ZFP14: variants seen among roughly 807,000 people sequenced by gnomAD.
The protein encoded by ZFP14 is ZFP14 zinc finger protein, also known as zinc finger protein 14 homolog.
A neutral mutation model predicts 54.5 loss-of-function variants in ZFP14; 22 were observed. That is an observed-to-expected ratio of 0.40 (90% CI 0.29 to 0.58). The LOEUF is 0.58. Among genes scored for constraint, ZFP14 ranks in the 20% least tolerant of loss-of-function variants. ZFP14 has a pLI of 0.39. For synonymous variants in ZFP14, 159 were observed against 204.0 expected (o/e 0.78, Z 1.88); for missense variants, 470 against 637.8 (o/e 0.74, Z 2.83).
At chr19:36,349,537 G>A (rs2031486499) in intron 4 of ZFP14, among the ~76,000 whole-genome samples, 1 of 150,568 alleles carries the variant, frequency 6.6e-6, no homozygotes, top group Admixed American at 6.6e-5. Context: ...GTGGTGGTGT[G>A]CACCTATAAT....
intron 1 of ZFP14, among the ~76,000 whole-genome samples, chr19:36,373,160 C>T (rs1388878763): frequency 6.6e-6 from 1 of 151,780 alleles, no homozygotes; most frequent in Non-Finnish European, 1.5e-5. Context: ...GCCTGTAATC[C>T]CAGTTACTCA....
intron 4 of ZFP14, among the ~76,000 whole-genome samples, chr19:36,355,841 G>A (rs1468307477): frequency 7.0e-6 from 1 of 142,160 alleles, no homozygotes; most frequent in Non-Finnish European, 1.6e-5. Context: ...AGAATTGTGA[G>A]AAAATACATA....
Position 36,376,507 on chromosome 19 carries a change from C to T in ZFP14, c.-80+2656G>A, listed in dbSNP as rs993106403. On this transcript the variant is annotated intron_variant, in intron 1 of 4. Coordinates refer to ENST00000270001, the MANE Select transcript of ZFP14 (RefSeq NM_020917.3). The stretch of plus-strand genomic sequence containing the variant: ...CTGCAGTGAGCCAAGATCGTGCCAC[C>T]GCACTCCAGCCTGGGTGACAGAGCA... Among the ~76,000 whole-genome samples the T allele has an allele frequency of 6.6e-5, 10 of 151,432 alleles. 1 individual carries two copies. The South Asian group carries it at 1.0e-3, about 16-fold the overall frequency.
At chr19:36,377,477 G>T (rs2031980864) in intron 1 of ZFP14, among the ~76,000 whole-genome samples, 1 of 151,480 alleles carries the variant, frequency 6.6e-6, no homozygotes, top group Admixed American at 6.6e-5. Flanking sequence ...AGCCAGGGAG[G>T]TCCAGGCTGC....
chr19:36,378,369 T>C (rs2031995986), intron 1 of ZFP14: 1 of 152,246 alleles, frequency 6.6e-6, no homozygotes, highest in Admixed American at 6.5e-5. Context: ...TTACAACTAC[T>C]GCACCACCTG....
At chr19:36,367,545 A>G (rs1168630523) in intron 2 of ZFP14, among the ~76,000 whole-genome samples, 1 of 152,088 alleles carries the variant, frequency 6.6e-6, no homozygotes, top group African/African-American at 2.4e-5. Context: ...CAGTAACGCA[A>G]TCTCGGCTCA....
intron 4 of ZFP14, among the ~76,000 whole-genome samples, chr19:36,358,092 C>CT (rs757927325): frequency 0.078 from 9,835 of 126,896 alleles, 365 homozygotes; most frequent in African/African-American, 0.12. Context: ...ATCTATCTAT[C>CT]ATCTATCTAT....
At chr19:36,353,439 G>C (rs1402329621) in intron 4 of ZFP14, among the ~76,000 whole-genome samples, 1 of 141,864 alleles carries the variant, frequency 7.0e-6, no homozygotes, top group Non-Finnish European at 1.6e-5. Flanking sequence ...GGTGGCTCAC[G>C]CCTGTAATTC....
intron 4 of ZFP14, among the ~76,000 whole-genome samples, chr19:36,345,457 C>T (rs1036559544): frequency 2.0e-5 from 3 of 152,088 alleles, no homozygotes; most frequent in African/African-American, 7.2e-5. Flanking sequence ...CATCTGGGGT[C>T]ACCTGAATGC....
chr19:36,346,783 G>C (rs1256498830), intron 4 of ZFP14, among the ~76,000 whole-genome samples: 1 of 152,094 alleles, frequency 6.6e-6, no homozygotes, highest in Non-Finnish European at 1.5e-5. Context: ...ACATCTTGTT[G>C]GCAGAAGCAC....
At chr19:36,363,171 A>G (rs1334758170) in intron 2 of ZFP14, among the ~76,000 whole-genome samples, 1 of 146,612 alleles carries the variant, frequency 6.8e-6, no homozygotes, top group Non-Finnish European at 1.5e-5. Flanking sequence ...ACCATTATCA[A>G]TCATATTCTT....
chr19:36,373,225 C>G (rs1190304031), intron 1 of ZFP14, among the ~76,000 whole-genome samples: 2 of 150,736 alleles, frequency 1.3e-5, no homozygotes, highest in Admixed American at 6.6e-5. Flanking sequence ...TGTGGTGAGC[C>G]GAGATGGCGT....
intron 4 of ZFP14, among the ~76,000 whole-genome samples, chr19:36,357,451 T>C (rs1408879085): frequency 6.6e-6 from 1 of 152,240 alleles, no homozygotes; most frequent in Non-Finnish European, 1.5e-5. Flanking sequence ...AAAAACTTTA[T>C]GATTGTAGCT....
At chr19:36,378,256 T>A (rs1022277328) in intron 1 of ZFP14, 2 of 152,150 alleles carry the variant, frequency 1.3e-5, no homozygotes, top group Admixed American at 1.3e-4. Flanking sequence ...ATGAGTGTAA[T>A]CAAGAGGGTA....
rs1394390711 is a variant in ZFP14, at chr19:36,360,418, G to A, written c.235+17C>T. 5.6e-6 allele frequency: 9 copies of A among 1,606,958 alleles called. No individual in the cohort carries two copies. Among genetic ancestry groups the A allele is most frequent in the African/African-American group, 1.3e-5 (1 of 74,790 alleles). On this transcript the variant is annotated intron_variant, in intron 4 of 4. Transcript: ENST00000270001. ...CTGCAGTAGTGATTTCTCAATGCCTGCTCAGCCCTCACTCACCAGGGCAGT... is the reference window on the plus strand; with the variant it reads ...CTGCAGTAGTGATTTCTCAATGCCTACTCAGCCCTCACTCACCAGGGCAGT...
rs1280258255 is a variant in ZFP14 at position 36,336,851 on chromosome 19, CACAT to C, written c.*3369_*3372del. 4.5e-4 allele frequency: 69 copies of C among 152,264 alleles called. No individual in the cohort carries two copies. Among genetic ancestry groups the C allele is most frequent in the African/African-American group, 1.6e-3 (67 of 41,552 alleles). The allele number at this position is 152,264 out of a possible 1,614,324, so 9.4% of individuals were successfully genotyped here. Reference sequence around the variant, plus strand: ...AACATTTTATTATTGAAATTTCAAACACATACAAAAGTAGAAATATTAGAACAAT... The same window carrying C: ...AACATTTTATTATTGAAATTTCAAACACAAAAGTAGAAATATTAGAACAAT... On this transcript the variant is annotated 3_prime_UTR_variant, in exon 5 of 5. Coordinates refer to ENST00000270001, the MANE Select transcript of ZFP14 (RefSeq NM_020917.3).
At chr19:36,368,072 C>G in intron 1 of ZFP14, 101 bp from the exon 2 acceptor site, 1 of 617,944 alleles carries the variant, frequency 1.6e-6, no homozygotes, top group Non-Finnish European at 2.7e-6. Flanking sequence ...CATTCCTTCT[C>G]CCAAACTACT....
At chr19:36,360,408 C>T in intron 4 of ZFP14, 27 bp downstream of exon 4, 1 of 1,603,014 alleles carries the variant, frequency 6.2e-7, no homozygotes, top group South Asian at 1.1e-5. Context: ...GTAGTGATTT[C>T]TCAATGCCTG....
Position 36,349,234 on chromosome 19 carries a change from AAAAAAAAACAAAAAAAAAAAAAC to A in ZFP14, c.236-7667_236-7645del, listed in dbSNP as rs1295570727. ...CTATAAGAGGGGAACTCTGTCTCAA[AAAAAAAAACAAAAAAAAAAAAAC>A]AAAAAAAAAAAAACAGGAAGAACAT... On this transcript the variant is annotated intron_variant, in intron 4 of 4. Coordinates refer to ENST00000270001, the MANE Select transcript of ZFP14 (RefSeq NM_020917.3). Among the ~76,000 whole-genome samples the A allele has an allele frequency of 7.8e-4, 36 of 46,016 alleles. 3 individuals carry two copies. Among genetic ancestry groups the A allele is most frequent in the Admixed American group, 2.2e-3 (10 of 4,464 alleles). 30.2% of individuals were successfully genotyped at this position (46,016 alleles called of 152,430 possible). A position where few individuals can be genotyped will look rare whatever the true frequency, so the allele number is the denominator to read the frequency against.
Sources: gnomAD v4.1 joint callset for allele counts (sites outside exome capture counted in the v4.1 genomes callset) on GRCh38, gnomAD v4.1.1 for gene constraint, MANE v1.5 for transcripts, NCBI Gene and HGNC (gene_info 2026-07-23, HGNC 2026-07-21) for gene names.